PHF14: variants seen among roughly 807,000 people sequenced by gnomAD.
PHF14 encodes PHD finger protein 14.
In PHF14, 55 loss-of-function variants were observed where a neutral mutation model predicts 117.9. That is an observed-to-expected ratio of 0.47 (90% CI 0.38 to 0.58). The LOEUF is 0.58. Among genes scored for constraint, PHF14 ranks in the 20% least tolerant of loss-of-function variants. The pLI is 0.00. For synonymous variants in PHF14, 409 were observed against 368.6 expected, an observed-to-expected ratio of 1.11 and a Z score of -1.26; for missense variants, 978 against 1,122.2, an observed-to-expected ratio of 0.87 and a Z score of 1.84.
At chr7:11,104,811 G>A (rs1212986678) in intron 16 of PHF14, 4 of 744,742 alleles carry the variant, frequency 5.4e-6, no homozygotes, top group Non-Finnish European at 6.5e-6. Context: ...TTTCTAACAA[G>A]TTCCCAGCTG....
At chr7:11,087,404 C>T (rs1478917017) in intron 16 of PHF14, among the ~76,000 whole-genome samples, 1 of 152,128 alleles carries the variant, frequency 6.6e-6, no homozygotes, top group Non-Finnish European at 1.5e-5. Context: ...GTTGGCCATA[C>T]TGGTCTCGAA....
At chr7:11,168,442 T>A (rs7810754) in intron 17 of PHF14, among the ~76,000 whole-genome samples, 71,266 of 152,022 alleles carry the variant, frequency 0.47, 17,032 homozygotes, top group African/African-American at 0.56. Context: ...GCTTTTACTT[T>A]ATAAAGTCAA....
At chr7:11,059,747 T>A (rs994754584) in intron 14 of PHF14, among the ~76,000 whole-genome samples, 1 of 152,074 alleles carries the variant, frequency 6.6e-6, no homozygotes, top group African/African-American at 2.4e-5. Context: ...TGCACTCCAG[T>A]CTGAGCAACA....
At chr7:11,121,676 C>T (rs1010106809) in intron 17 of PHF14, among the ~76,000 whole-genome samples, 24 of 151,982 alleles carry the variant, frequency 1.6e-4, no homozygotes, top group Admixed American at 1.6e-3. Context: ...CTGTGATGGT[C>T]GATCTAGTCA....
intron 6 of PHF14, among the ~76,000 whole-genome samples, chr7:11,023,825 C>T (rs1244821346): frequency 6.6e-6 from 1 of 151,686 alleles, no homozygotes; most frequent in Non-Finnish European, 1.5e-5. Context: ...GAGACTCCAT[C>T]TCAAAAAAAA....
chr7:11,160,825 A>T (rs1201738835), intron 17 of PHF14, among the ~76,000 whole-genome samples: 1 of 152,070 alleles, frequency 6.6e-6, no homozygotes, highest in African/African-American at 2.4e-5. Flanking sequence ...TCTTTGTCAG[A>T]TGCATAGTTT....
chr7:11,114,208 TATTTGTTTTGC>T (rs1787528219), intron 17 of PHF14, among the ~76,000 whole-genome samples: 1 of 152,164 alleles, frequency 6.6e-6, no homozygotes, highest in African/African-American at 2.4e-5. Context: ...TTTGACTCCC[TATTTGTTTTGC>T]CTAGAAGTTT....
intron 16 of PHF14, among the ~76,000 whole-genome samples, chr7:11,077,328 G>A (rs1785901248): frequency 1.3e-5 from 2 of 151,476 alleles, no homozygotes; most frequent in East Asian, 1.9e-4. Flanking sequence ...TCAGCCGGGC[G>A]CAGTGGGGCT....
chr7:11,067,807 T>C (rs1785473266), intron 16 of PHF14, among the ~76,000 whole-genome samples: 1 of 152,076 alleles, frequency 6.6e-6, no homozygotes, highest in South Asian at 2.1e-4. Flanking sequence ...GATCACATGA[T>C]AAGAGAGGAA....
intron 2 of PHF14, among the ~76,000 whole-genome samples, chr7:10,979,672 C>T (rs1781988641): frequency 1.3e-5 from 2 of 151,224 alleles, no homozygotes; most frequent in South Asian, 2.1e-4. Flanking sequence ...GTCATTATTA[C>T]CCAGCTATGG....
chr7:11,016,936 C>T (rs895563872), intron 5 of PHF14, among the ~76,000 whole-genome samples: 2 of 152,096 alleles, frequency 1.3e-5, no homozygotes, highest in Admixed American at 1.3e-4. Context: ...CATCCTTCTC[C>T]TGTCTGTGTC....
chr7:11,034,539 ATTTTTTTT>A (rs56043099), intron 7 of PHF14, among the ~76,000 whole-genome samples: 35 of 63,096 alleles, frequency 5.5e-4, no homozygotes, highest in African/African-American at 1.1e-3. Flanking sequence ...TCTTAATTCT[ATTTTTTTT>A]TTTTTTTTTT....
intron 16 of PHF14, chr7:11,104,140 C>A: frequency 1.0e-6 from 1 of 984,650 alleles, no homozygotes; most frequent in Non-Finnish European, 1.2e-6. Context: ...ACTCTTAGGC[C>A]TTGTTTTGGT....
At chr7:11,131,177 A>C (rs778155680) in intron 17 of PHF14, among the ~76,000 whole-genome samples, 2 of 151,948 alleles carry the variant, frequency 1.3e-5, no homozygotes, top group Non-Finnish European at 2.9e-5. Context: ...GCACCAGTCA[A>C]CTTAGTCAGG....
At chr7:11,134,814 AC>A (rs1255326148) in intron 17 of PHF14, among the ~76,000 whole-genome samples, 5 of 152,176 alleles carry the variant, frequency 3.3e-5, no homozygotes, top group African/African-American at 4.8e-5. Flanking sequence ...TTGCAAAAAA[AC>A]ATGAGTAAAC....
intron 17 of PHF14, among the ~76,000 whole-genome samples, chr7:11,156,092 C>T (rs2128355414): frequency 6.6e-6 from 1 of 152,194 alleles, no homozygotes. Context: ...AAGTACATAC[C>T]AGTGGTGGTT....
At chr7:11,147,269 A>C (rs1788573953) in intron 17 of PHF14, among the ~76,000 whole-genome samples, 1 of 152,230 alleles carries the variant, frequency 6.6e-6, no homozygotes, top group Admixed American at 6.5e-5. Flanking sequence ...CATATAAAAT[A>C]TAACACTTAA....
At chr7:11,134,771 G>A (rs1788172385) in intron 17 of PHF14, among the ~76,000 whole-genome samples, 4 of 152,030 alleles carry the variant, frequency 2.6e-5, no homozygotes. Context: ...TTAAAAACAA[G>A]TTTAGTGCTG....
intron 4 of PHF14, among the ~76,000 whole-genome samples, chr7:10,997,229 G>A (rs900283260): frequency 1.3e-5 from 2 of 152,122 alleles, no homozygotes; most frequent in South Asian, 4.1e-4. Context: ...AGAGCAAAAA[G>A]ACATTATTAC....
Sources: gnomAD v4.1 joint callset for allele counts (sites outside exome capture counted in the v4.1 genomes callset) on GRCh38, gnomAD v4.1.1 for gene constraint, MANE v1.5 for transcripts, NCBI Gene and HGNC (gene_info 2026-07-23, HGNC 2026-07-21) for gene names.